CEP85L: variants seen among roughly 807,000 people sequenced by gnomAD.
CEP85L encodes the protein centrosomal protein of 85 kDa-like.
Under a neutral mutation model 100.3 loss-of-function variants are expected in CEP85L, and 60 were observed. The ratio of observed to expected loss-of-function variants is 0.60; its 90% CI spans 0.49 to 0.74. The LOEUF (loss-of-function observed/expected upper bound fraction) is 0.74, where lower values mean the gene tolerates loss of function less well. Among genes scored for constraint, CEP85L ranks in the 30% least tolerant of loss-of-function variants. The probability of loss-of-function intolerance (pLI) is 0.00; values close to 1 mark genes in which losing one functional copy is unlikely to be tolerated. For synonymous variants in CEP85L, 319 were observed against 322.7 expected (o/e 0.99, Z 0.12); for missense variants, 973 against 936.2 (o/e 1.04, Z -0.51).
At chr6:118,556,119 G>GT (rs1778858010) in intron 3 of CEP85L, among the ~76,000 whole-genome samples, 1 of 152,152 alleles carries the variant, frequency 6.6e-6, no homozygotes, top group Admixed American at 6.5e-5. Flanking sequence ...ATTCATGGGT[G>GT]TATGTCTTTA....
intron 2 of CEP85L, among the ~76,000 whole-genome samples, chr6:118,567,320 C>T (rs1054574385): frequency 8.5e-5 from 12 of 141,396 alleles, no homozygotes; most frequent in African/African-American, 2.6e-4. Context: ...ACCTTAGAGT[C>T]TACTTTTATT....
intron 1 of CEP85L, among the ~76,000 whole-genome samples, chr6:118,690,755 T>G (rs1777010233): frequency 6.6e-6 from 1 of 152,142 alleles, no homozygotes. Flanking sequence ...TCCCAGGGAT[T>G]AGGGAGGCAG....
At chr6:118,615,378 G>A (rs981066863) in intron 2 of CEP85L, among the ~76,000 whole-genome samples, 1 of 151,360 alleles carries the variant, frequency 6.6e-6, no homozygotes, top group East Asian at 1.9e-4. Context: ...AACTAGAAGA[G>A]CTAAAACAAT....
chr6:118,562,953 C>A (rs1440843483), intron 3 of CEP85L, among the ~76,000 whole-genome samples: 1 of 152,132 alleles, frequency 6.6e-6, no homozygotes, highest in African/African-American at 2.4e-5. Flanking sequence ...ACCCTACCTT[C>A]CCCAAGAAAA....
chr6:118,640,111 G>A (rs925691890), intron 1 of CEP85L, among the ~76,000 whole-genome samples: 2 of 151,944 alleles, frequency 1.3e-5, no homozygotes, highest in African/African-American at 2.4e-5. Context: ...CAAAAAATTA[G>A]AACATTAAAC....
chr6:118,512,985 C>A (rs2114724785), intron 4 of CEP85L, among the ~76,000 whole-genome samples: 1 of 152,238 alleles, frequency 6.6e-6, no homozygotes, highest in East Asian at 1.9e-4. Context: ...GTTATTATAA[C>A]TATTCATATG....
chr6:118,565,892 AT>A lies in CEP85L; in HGVS notation c.656del (p.Asn219IlefsTer34). ...EMLRLEDKEINKKRSSTLDCK... is the reference protein window; with the variant it reads ...EMLRLEDKEIXKKRSSTLDCK... ...AGTCCAGAGTTGATGACCGTTTTTT[AT>A]TTATTTCCTTGTCCTCTAACCTAAG... On this transcript the variant is annotated frameshift_variant, in exon 3 of 13. Coordinates refer to ENST00000368491, the MANE Select transcript of CEP85L (RefSeq NM_001042475.3). LOFTEE classifies it high-confidence loss of function. 1 of 1,614,024 alleles carries A rather than the reference AT, an allele frequency of 6.2e-7. No individual in the cohort carries two copies. Among genetic ancestry groups the A allele is most frequent in the East Asian group, 2.2e-5 (1 of 44,888 alleles).
rs1772282334 is a variant in CEP85L at position 118,462,456 on chromosome 6, T to A, written c.*2949A>T. On this transcript the variant is annotated 3_prime_UTR_variant, in exon 13 of 13. Transcript: ENST00000368491. The stretch of plus-strand genomic sequence containing the variant: ...AATTTGGGTCTTTCATTGAGTCAAC[T>A]GTTACTTTATGCTTGCTGTAATGTG... 1 of 152,048 alleles carries A rather than the reference T, an allele frequency of 6.6e-6. No homozygotes were observed. Among genetic ancestry groups the A allele is most frequent in the Admixed American group, 6.6e-5 (1 of 15,252 alleles). 9.4% of individuals were successfully genotyped at this position (152,048 alleles called of 1,614,324 possible).
intron 4 of CEP85L, among the ~76,000 whole-genome samples, chr6:118,516,812 G>A (rs890788105): frequency 3.3e-5 from 5 of 152,184 alleles, no homozygotes; most frequent in African/African-American, 1.2e-4. Flanking sequence ...TAGACATGAA[G>A]CCTTTGCCCA....
At chr6:118,471,305 T>C (rs1008117556) in intron 10 of CEP85L, among the ~76,000 whole-genome samples, 1 of 152,070 alleles carries the variant, frequency 6.6e-6, no homozygotes, top group African/African-American at 2.4e-5. Flanking sequence ...TTCACCAATA[T>C]ATTAAAAGAA....
intron 3 of CEP85L, among the ~76,000 whole-genome samples, chr6:118,562,426 T>C (rs531877314): frequency 6.6e-6 from 1 of 152,288 alleles, no homozygotes; most frequent in Admixed American, 6.5e-5. Context: ...TGCAGTCACA[T>C]GATCATTGCA....
intron 4 of CEP85L, among the ~76,000 whole-genome samples, chr6:118,513,499 T>C (rs1055035544): frequency 2.0e-5 from 3 of 152,158 alleles, no homozygotes; most frequent in Non-Finnish European, 2.9e-5. Context: ...ATGAAGAGGA[T>C]GGCAAATTTC....
chr6:118,552,912 T>C (rs1053012003), intron 3 of CEP85L, among the ~76,000 whole-genome samples: 68 of 152,168 alleles, frequency 4.5e-4, no homozygotes, highest in African/African-American at 1.6e-3. Context: ...ATGTTTTCAA[T>C]ACTCTTGATT....
chr6:118,579,357 G>A (rs1172973584), intron 2 of CEP85L, among the ~76,000 whole-genome samples: 4 of 150,708 alleles, frequency 2.7e-5, no homozygotes, highest in Non-Finnish European at 3.0e-5. Context: ...CGGGCGGGAA[G>A]CTGGTCAGAA....
intron 3 of CEP85L, among the ~76,000 whole-genome samples, chr6:118,558,650 C>CAG (rs1433315078): frequency 1.5e-4 from 20 of 136,748 alleles, no homozygotes; most frequent in East Asian, 7.9e-4. Flanking sequence ...CACACACACA[C>CAG]ACACACACAC....
At chr6:118,537,852 A>G (rs1777681890) in intron 3 of CEP85L, 46 of 985,126 alleles carry the variant, frequency 4.7e-5, no homozygotes, top group Non-Finnish European at 5.4e-5. Flanking sequence ...CACTCACAAC[A>G]TGTCACGTAA....
At chr6:118,467,780 A>C (rs1262895662) in intron 12 of CEP85L, among the ~76,000 whole-genome samples, 1 of 152,206 alleles carries the variant, frequency 6.6e-6, no homozygotes, top group African/African-American at 2.4e-5. Context: ...GAGATATTAA[A>C]GCACTCCATG....
Position 118,517,081 on chromosome 6 carries a change from C to T in CEP85L, c.1140-5666G>A, listed in dbSNP as rs138865554. On this transcript the variant is annotated intron_variant, in intron 4 of 12. Transcript: ENST00000368491. ...CAGGTGTATGATGTTATTTCTGAGG[C>T]CTCTGTTCTGTTCCATTCGTCTATC... 3.9e-4 allele frequency among the ~76,000 whole-genome samples: 60 copies of T among 152,210 alleles called. No individual in the cohort carries two copies. In the East Asian group the frequency reaches 0.011, roughly 28 times the overall value.
At chr6:118,634,062 G>A (rs182859776) in intron 1 of CEP85L, among the ~76,000 whole-genome samples, 516 of 152,296 alleles carry the variant, frequency 3.4e-3, no homozygotes, top group Non-Finnish European at 4.6e-3. Flanking sequence ...TGTGTTTTGC[G>A]GTTGAAATAG....
Sources: gnomAD v4.1 joint callset for allele counts (sites outside exome capture counted in the v4.1 genomes callset) on GRCh38, gnomAD v4.1.1 for gene constraint, MANE v1.5 for transcripts, NCBI Gene and HGNC (gene_info 2026-07-23, HGNC 2026-07-21) for gene names.